The following RORA variants were observed in gnomAD, a reference collection of about 807,000 sequenced individuals.
RORA encodes the protein nuclear receptor ROR-alpha.
Under a neutral mutation model 69.5 loss-of-function variants are expected in RORA, and 7 were observed. The observed-to-expected ratio is 0.10, with a 90% confidence interval of 0.06 to 0.19. The LOEUF is 0.19. RORA is among the 10% of genes least tolerant of loss of function. The pLI, the probability that RORA is intolerant of heterozygous loss-of-function variation, is 1.00. For missense variants in RORA, 457 were observed against 663.0 expected, an observed-to-expected ratio of 0.69 and a Z score of 3.41; for synonymous variants, 261 against 240.8, an observed-to-expected ratio of 1.08 and a Z score of -0.78.
intron 1 of RORA, among the ~76,000 whole-genome samples, chr15:60,963,267 A>T (rs185176169): frequency 2.1e-4 from 32 of 152,340 alleles, no homozygotes; most frequent in Non-Finnish European, 4.0e-4. Context: ...TAACTGCTCA[A>T]AGGCATAGAA....
chr15:60,957,871 C>T (rs1030988967), intron 1 of RORA, among the ~76,000 whole-genome samples: 5 of 152,088 alleles, frequency 3.3e-5, no homozygotes, highest in South Asian at 2.1e-4. Context: ...TATTATGTCC[C>T]GTACTTTCCA....
At chr15:61,081,672 G>A (rs1358303457) in intron 1 of RORA, among the ~76,000 whole-genome samples, 1 of 151,954 alleles carries the variant, frequency 6.6e-6, no homozygotes, top group Non-Finnish European at 1.5e-5. Context: ...GCCGGGTGTG[G>A]TGGCGGGCGC....
intron 2 of RORA, among the ~76,000 whole-genome samples, chr15:60,591,791 G>A (rs921383320): frequency 6.6e-6 from 1 of 152,058 alleles, no homozygotes; most frequent in African/African-American, 2.4e-5. Context: ...GGAAGTGGCC[G>A]CGGCGGGACA....
At chr15:60,963,497 GGGTGGT>G (rs1326923075) in intron 1 of RORA, among the ~76,000 whole-genome samples, 1 of 152,216 alleles carries the variant, frequency 6.6e-6, no homozygotes, top group Non-Finnish European at 1.5e-5. Flanking sequence ...GCAATTATCT[GGGTGGT>G]GGTGGAAAGG....
At chr15:60,586,480 A>G (rs1315457014) in intron 2 of RORA, among the ~76,000 whole-genome samples, 2 of 151,870 alleles carry the variant, frequency 1.3e-5, no homozygotes, top group African/African-American at 4.8e-5. Flanking sequence ...GTGCGTGTGC[A>G]TGTGTGTGTT....
chr15:60,849,715 A>C (rs2073303983), intron 1 of RORA, among the ~76,000 whole-genome samples: 1 of 152,242 alleles, frequency 6.6e-6, no homozygotes, highest in African/African-American at 2.4e-5. Context: ...TCCTACAGTG[A>C]TTGATTTCAA....
intron 1 of RORA, among the ~76,000 whole-genome samples, chr15:60,916,764 G>A (rs1031775801): frequency 6.6e-6 from 1 of 152,202 alleles, no homozygotes; most frequent in African/African-American, 2.4e-5. Context: ...ATGCAGCTAA[G>A]TTTAAGGTCA....
chr15:60,647,274 CAGAT>C (rs994995924), intron 2 of RORA, among the ~76,000 whole-genome samples: 37 of 152,310 alleles, frequency 2.4e-4, no homozygotes, highest in African/African-American at 8.4e-4. Flanking sequence ...AAGCCGCACT[CAGAT>C]AGAAGACAGA....
chr15:60,873,836 T>C (rs2073585379), intron 1 of RORA, among the ~76,000 whole-genome samples: 1 of 152,152 alleles, frequency 6.6e-6, no homozygotes, highest in Admixed American at 6.5e-5. Flanking sequence ...AAAAAGCAAA[T>C]TTTGTAGGTA....
At chr15:61,163,338 G>A (rs1425138838) in intron 1 of RORA, among the ~76,000 whole-genome samples, 2 of 152,104 alleles carry the variant, frequency 1.3e-5, no homozygotes, top group African/African-American at 4.8e-5. Context: ...GAACACTAGC[G>A]ATCAGCGTCA....
chr15:61,021,384 G>A (rs1895514791), intron 1 of RORA, among the ~76,000 whole-genome samples: 1 of 152,174 alleles, frequency 6.6e-6, no homozygotes. Flanking sequence ...TTCCAAACCT[G>A]TGTCTGTTTA....
At chr15:61,037,234 T>C (rs1896502405) in intron 1 of RORA, among the ~76,000 whole-genome samples, 1 of 152,164 alleles carries the variant, frequency 6.6e-6, no homozygotes, top group Non-Finnish European at 1.5e-5. Flanking sequence ...CGTAAGTGCA[T>C]GAAAAATGTT....
chr15:61,207,667 G>C (rs1487937017), intron 1 of RORA, among the ~76,000 whole-genome samples: 1 of 152,172 alleles, frequency 6.6e-6, no homozygotes, highest in Middle Eastern at 3.2e-3. Flanking sequence ...AAAGTATGAG[G>C]CTGTTTCCCT....
intron 1 of RORA, among the ~76,000 whole-genome samples, chr15:60,810,153 G>GT (rs2072721280): frequency 6.6e-6 from 1 of 152,068 alleles, no homozygotes; most frequent in South Asian, 2.1e-4. Context: ...GAAAGAGTGT[G>GT]TGTAAGCTAA....
intron 1 of RORA, among the ~76,000 whole-genome samples, chr15:61,020,845 C>A (rs1895487909): frequency 6.6e-6 from 1 of 152,210 alleles, no homozygotes; most frequent in African/African-American, 2.4e-5. Flanking sequence ...TATCTTTTCT[C>A]CTTCCCAAAT....
chr15:60,865,903 G>C (rs2073482034), intron 1 of RORA, among the ~76,000 whole-genome samples: 1 of 152,036 alleles, frequency 6.6e-6, no homozygotes, highest in Admixed American at 6.6e-5. Context: ...TTTGTTCAGG[G>C]GAGAGATGGG....
chr15:60,989,763 A>ATATATATAT (rs1894316977), intron 1 of RORA, among the ~76,000 whole-genome samples: 1 of 152,088 alleles, frequency 6.6e-6, no homozygotes, highest in Non-Finnish European at 1.5e-5. Flanking sequence ...CTATACTTAG[A>ATATATATAT]ACTTCTCTGG....
At chr15:60,895,379 T>G (rs953271579) in intron 1 of RORA, among the ~76,000 whole-genome samples, 6 of 152,210 alleles carry the variant, frequency 3.9e-5, no homozygotes, top group African/African-American at 1.4e-4. Flanking sequence ...AAATCAGTAA[T>G]TGCTCCTTTA....
At position 60,578,358 on chromosome 15, in the gene RORA, T is replaced by C. The variant is rs370203237; in HGVS notation, c.197-46507A>G. Among the ~76,000 whole-genome samples the C allele has an allele frequency of 7.9e-5, 12 of 152,332 alleles. No homozygotes were observed. In the East Asian group the frequency reaches 2.3e-3, roughly 29 times the overall value. ...ATACCATCAGAAAAGTTTTTAAGTA[T>C]TGGGAAGCTGTCAGATTCCTGGGGT... On this transcript the variant is annotated intron_variant, in intron 2 of 10. Transcript: ENST00000335670.
Sources: gnomAD v4.1 joint callset for allele counts (sites outside exome capture counted in the v4.1 genomes callset) on GRCh38, gnomAD v4.1.1 for gene constraint, MANE v1.5 for transcripts, NCBI Gene and HGNC (gene_info 2026-07-23, HGNC 2026-07-21) for gene names.